TMEM220: variants seen among roughly 807,000 people sequenced by gnomAD.
TMEM220 encodes transmembrane protein 220.
A neutral mutation model predicts 21.7 loss-of-function variants in TMEM220; 21 were observed. The observed-to-expected ratio is 0.97, with a 90% CI of 0.69 to 1.39. The LOEUF is 1.39. TMEM220 is among the 40% of genes most tolerant of loss of function. The pLI is 0.00. For synonymous variants in TMEM220, 80 were observed against 73.6 expected (o/e 1.09, Z -0.45); for missense variants, 191 against 201.9 (o/e 0.95, Z 0.33).
chr17:10,727,446 G>C (rs991590875), intron 2 of TMEM220, among the ~76,000 whole-genome samples: 1 of 152,208 alleles, frequency 6.6e-6, no homozygotes, highest in East Asian at 1.9e-4. Flanking sequence ...GTCAGGATAA[G>C]TAGATTTTGG....
chr17:10,728,735 A>G (rs919747825), intron 2 of TMEM220, among the ~76,000 whole-genome samples: 2 of 152,182 alleles, frequency 1.3e-5, no homozygotes, highest in Admixed American at 6.5e-5. Context: ...GAATTGTTCA[A>G]CTGATCTTGA....
Position 10,729,149 on chromosome 17 carries a change from G to T in TMEM220, c.73-89C>A, listed in dbSNP as rs1036154719. 2.0e-6 allele frequency: 3 copies of T among 1,481,698 alleles called. No homozygotes were observed. In the East Asian group the frequency reaches 6.8e-5, roughly 34 times the overall value. The allele number at this position is 1,481,698 out of a possible 1,614,324, so 91.8% of individuals were successfully genotyped here. On this transcript the variant is annotated intron_variant, in intron 1 of 5. Transcript: ENST00000341871. The stretch of plus-strand genomic sequence containing the variant: ...ATTTAAGCACATTTTTTATTAATTT[G>T]TTAAGTGCCAGACACTGCAATAGGC...
At chr17:10,723,169 C>T (rs1464450621) in intron 5 of TMEM220, 101 bp downstream of exon 5, 1 of 986,618 alleles carries the variant, frequency 1.0e-6, no homozygotes, top group African/African-American at 1.6e-5. Flanking sequence ...TTAGTAGAGA[C>T]AGGGTTTGAC....
intron 5 of TMEM220, 64 bp downstream of exon 5, chr17:10,723,206 C>A: frequency 1.4e-6 from 2 of 1,410,214 alleles, no homozygotes. Context: ...GTCTTGATCT[C>A]CTGACCTCGT....
intron 1 of TMEM220, 99 bp downstream of exon 1, chr17:10,729,681 G>A (rs953538541): frequency 4.8e-6 from 5 of 1,046,784 alleles, no homozygotes; most frequent in Non-Finnish European, 6.2e-6. Context: ...CTAACTGTGC[G>A]CCCCTGCGAC....
chr17:10,712,362 A>AC (rs1006057672), downstream of TMEM220, among the ~76,000 whole-genome samples: 1 of 152,108 alleles, frequency 6.6e-6, no homozygotes, highest in African/African-American at 2.4e-5. Flanking sequence ...AATCCAGGTA[A>AC]CCCCCATCTC....
chr17:10,712,805 GA>G (rs1455349684), downstream of TMEM220, among the ~76,000 whole-genome samples: 2 of 152,222 alleles, frequency 1.3e-5, no homozygotes, highest in Non-Finnish European at 2.9e-5. Flanking sequence ...AAATATGGCA[GA>G]AAAGGACAGG....
At position 10,729,015 on chromosome 17, in the gene TMEM220, A is replaced by G. The variant is rs773003567; in HGVS notation, c.102+16T>C. On this transcript the variant is annotated intron_variant, in intron 2 of 5. Coordinates refer to ENST00000341871, the MANE Select transcript of TMEM220 (RefSeq NM_001004313.3). ...TCTTCCAAACGGAGGAAAGCCTGGA[A>G]GCGGCTCATACTCACCACCCACACC... 1.2e-6 allele frequency: 2 copies of G among 1,614,146 alleles called. No homozygotes were observed. The highest frequency in any genetic ancestry group is 2.2e-5 in the South Asian group (2 of 91,084).
chr17:10,724,470 C>A (rs1241882164), intron 4 of TMEM220: 4 of 153,486 alleles, frequency 2.6e-5, no homozygotes, highest in African/African-American at 4.8e-5. Flanking sequence ...ATCCCAGCTA[C>A]TCAGGAGGCT....
Position 10,729,915 on chromosome 17 carries a change from G to T in TMEM220, c.-64C>A. On this transcript the variant is annotated 5_prime_UTR_variant, in exon 1 of 6. Coordinates refer to ENST00000341871, the MANE Select transcript of TMEM220 (RefSeq NM_001004313.3). ...CGTGCGGGGCGGTGAGTCCTGCCAC[G>T]TACGGTCCGCCTTCCTCCTTGCGCG... The T allele has an allele frequency of 7.9e-7, 1 of 1,263,368 alleles. No individual in the cohort carries two copies. The highest frequency in any genetic ancestry group is 1.0e-6 in the Non-Finnish European group (1 of 1,002,134). 78.3% of individuals were successfully genotyped at this position (1,263,368 alleles called of 1,614,324 possible).
Position 10,713,804 on chromosome 17 carries a change from C to T in TMEM220, c.*1649G>A, listed in dbSNP as rs1466637868. On this transcript the variant is annotated 3_prime_UTR_variant, in exon 6 of 6. Coordinates refer to ENST00000341871, the MANE Select transcript of TMEM220 (RefSeq NM_001004313.3). The stretch of plus-strand genomic sequence containing the variant: ...GTGCCAATAACAAAAACAAAATACA[C>T]ATACCTCCTTTAACAAATATTTATA... The T allele has an allele frequency of 6.6e-6, 1 of 152,152 alleles. No homozygotes were observed. Among genetic ancestry groups the T allele is most frequent in the Admixed American group, 6.5e-5 (1 of 15,282 alleles). 9.4% of individuals were successfully genotyped at this position (152,152 alleles called of 1,614,324 possible).
chr17:10,729,002 A>G (rs747894601), intron 2 of TMEM220, 29 bp downstream of exon 2: 19 of 1,613,544 alleles, frequency 1.2e-5, no homozygotes, highest in Non-Finnish European at 1.6e-5. Flanking sequence ...TTCCAAACGG[A>G]GGAAAGCCTG....
chr17:10,728,300 C>CT (rs952367756), intron 2 of TMEM220, among the ~76,000 whole-genome samples: 45 of 136,350 alleles, frequency 3.3e-4, no homozygotes, highest in Non-Finnish European at 6.2e-4. Flanking sequence ...TTTTTTTTTT[C>CT]TTTTTTTTCT....
At chr17:10,726,871 T>TC (rs1433796451) in intron 2 of TMEM220, among the ~76,000 whole-genome samples, 1 of 152,256 alleles carries the variant, frequency 6.6e-6, no homozygotes, top group East Asian at 1.9e-4. Context: ...ACAAGCAGGC[T>TC]CTAGCCAAAC....
chr17:10,716,429 C>T (rs1323832071), intron 5 of TMEM220: 14 of 655,808 alleles, frequency 2.1e-5, no homozygotes, highest in Middle Eastern at 2.7e-4. Context: ...ATTTCCCGTC[C>T]GGTCAGAACT....
At chr17:10,716,457 T>C in intron 5 of TMEM220, 1 of 678,192 alleles carries the variant, frequency 1.5e-6, no homozygotes, top group Non-Finnish European at 2.7e-6. Flanking sequence ...CAGAAACTCG[T>C]GGCTGAACTT....
At chr17:10,723,167 G>T (rs2075011928) in intron 5 of TMEM220, 103 bp downstream of exon 5, 2 of 972,122 alleles carry the variant, frequency 2.1e-6, no homozygotes, top group Admixed American at 1.7e-5. Flanking sequence ...TTTTAGTAGA[G>T]ACAGGGTTTG....
intron 5 of TMEM220, among the ~76,000 whole-genome samples, chr17:10,721,780 CAAAATA>C (rs2074995475): frequency 7.2e-6 from 1 of 139,556 alleles, no homozygotes. Context: ...TTTGAAAATT[CAAAATA>C]AAAAGTTAAA....
At chr17:10,724,883 C>T in intron 4 of TMEM220, 128 bp downstream of exon 4, 29 of 1,292,512 alleles carry the variant, frequency 2.2e-5, no homozygotes, top group Non-Finnish European at 3.0e-5. Context: ...AAGATAATAC[C>T]TTGCCTCCTC....
Sources: allele counts gnomAD v4.1 joint callset (sites outside exome capture counted in the v4.1 genomes callset), GRCh38; gene constraint gnomAD v4.1.1; transcripts MANE v1.5; gene names NCBI Gene and HGNC (gene_info 2026-07-23, HGNC 2026-07-21).